WDHD1: variants seen among roughly 807,000 people sequenced by gnomAD.
WDHD1 encodes WD repeat and HMG-box DNA-binding protein 1.
WDHD1 carries 111 observed loss-of-function variants against 135.4 expected under a neutral mutation model. The ratio of observed to expected loss-of-function variants is 0.82; its 90% CI spans 0.70 to 0.96. WDHD1 has a LOEUF of 0.96. WDHD1 is among the 40% of genes least tolerant of loss of function. The pLI is 0.00. For synonymous variants in WDHD1, 434 were observed against 439.0 expected, an observed-to-expected ratio of 0.99 and a Z score of 0.14; for missense variants, 1,351 against 1,336.3, an observed-to-expected ratio of 1.01 and a Z score of -0.17.
chr14:54,957,130 G>T lies in WDHD1; in HGVS notation c.2820C>A (p.Gly940=). 1.2e-6 allele frequency: 2 copies of T among 1,614,118 alleles called. No homozygotes were observed. The highest frequency in any genetic ancestry group is 1.1e-5 in the South Asian group (1 of 91,084). ...GTGCAGTGGATTTCTTGGATGATTT[G>T]CCCATATTGTCTAAAATATTAGTTG... ...ARSTNILDNM[G]KSSKKSTALS... Residue 940 remains glycine, a synonymous_variant, in exon 23 of 26, where the codon GGC becomes GGA. Transcript: ENST00000360586.
chr14:54,958,182 A>C (rs1218572746), intron 21 of WDHD1, among the ~76,000 whole-genome samples: 2 of 150,664 alleles, frequency 1.3e-5, no homozygotes, highest in Non-Finnish European at 2.9e-5. Context: ...GCTGGAGGGC[A>C]ATGGTGTGAT....
intron 16 of WDHD1, among the ~76,000 whole-genome samples, chr14:54,973,725 C>T (rs537918863): frequency 6.6e-6 from 1 of 152,296 alleles, no homozygotes; most frequent in South Asian, 2.1e-4. Context: ...AGAAGAAACA[C>T]TGTGAGAAAT....
At chr14:55,011,655 G>A (rs900443687) in intron 3 of WDHD1, among the ~76,000 whole-genome samples, 12 of 149,858 alleles carry the variant, frequency 8.0e-5, no homozygotes, top group African/African-American at 2.7e-4. Context: ...GTGTTTGTGT[G>A]TATATATATA....
At chr14:54,996,795 T>G (rs1249285292) in intron 10 of WDHD1, among the ~76,000 whole-genome samples, 1 of 152,054 alleles carries the variant, frequency 6.6e-6, no homozygotes, top group Non-Finnish European at 1.5e-5. Flanking sequence ...TTATTTTCAT[T>G]TATTTATTTT....
chr14:54,965,096 C>A (rs185414184), intron 18 of WDHD1, among the ~76,000 whole-genome samples: 2 of 152,272 alleles, frequency 1.3e-5, no homozygotes, highest in East Asian at 3.9e-4. Flanking sequence ...TCTCTAAGAA[C>A]CTTTTTTCTC....
chr14:54,950,273 A>C (rs534700037), intron 24 of WDHD1, among the ~76,000 whole-genome samples: 1 of 152,182 alleles, frequency 6.6e-6, no homozygotes. Context: ...GACACACATA[A>C]GCTCAAAATA....
intron 16 of WDHD1, among the ~76,000 whole-genome samples, chr14:54,969,747 A>G (rs1370680624): frequency 1.3e-5 from 2 of 152,192 alleles, no homozygotes; most frequent in African/African-American, 4.8e-5. Flanking sequence ...AGACACATCA[A>G]AAAGAGAAAC....
rs35354246 is a variant in WDHD1 at position 54,958,128 on chromosome 14, AT to A, written c.2702-494del. Among the ~76,000 whole-genome samples, 595 of 139,822 alleles carry A rather than the reference AT, an allele frequency of 4.3e-3. 1 individual carries two copies. Among genetic ancestry groups the A allele is most frequent in the African/African-American group, 9.0e-3 (343 of 38,252 alleles). 91.7% of individuals were successfully genotyped at this position (139,822 alleles called of 152,430 possible). On this transcript the variant is annotated intron_variant, in intron 21 of 25. Coordinates refer to ENST00000360586, the MANE Select transcript of WDHD1 (RefSeq NM_007086.4). Reference sequence around the variant, plus strand: ...TTTCTCTCGCCTCCTCCATCCAGCCATTTTTTTTTTTTTTTGAGACAGAGTC... The same window carrying A: ...TTTCTCTCGCCTCCTCCATCCAGCCATTTTTTTTTTTTTTGAGACAGAGTC...
chr14:54,988,736 T>TAA lies in WDHD1; in HGVS notation c.1526+290_1526+291dup, dbSNP rs10715034. Among the ~76,000 whole-genome samples, 26 of 136,080 alleles carry TAA rather than the reference T, an allele frequency of 1.9e-4. No individual in the cohort carries two copies. In the East Asian group the frequency reaches 2.8e-3, roughly 15 times the overall value. 89.3% of individuals were successfully genotyped at this position (136,080 alleles called of 152,430 possible). ...TGAATGTATATTACTCTTATAATAG[T>TAA]AAAAAAAAAAAAAAGCACTTAACAA... On this transcript the variant is annotated intron_variant, in intron 13 of 25. Coordinates refer to ENST00000360586, the MANE Select transcript of WDHD1 (RefSeq NM_007086.4).
chr14:54,965,944 G>A (rs1218039504), intron 18 of WDHD1, among the ~76,000 whole-genome samples: 6 of 147,070 alleles, frequency 4.1e-5, no homozygotes, highest in Non-Finnish European at 7.4e-5. Context: ...AAACAAGAGC[G>A]AAACTCCGCC....
chr14:55,022,438 C>T (rs1223758421), intron 2 of WDHD1, among the ~76,000 whole-genome samples: 1 of 151,752 alleles, frequency 6.6e-6, no homozygotes, highest in Non-Finnish European at 1.5e-5. Context: ...TGGCATTTTT[C>T]CCCCCACAGA....
intron 7 of WDHD1, chr14:55,005,573 T>C (rs1048941740): frequency 2.3e-5 from 14 of 601,102 alleles, no homozygotes; most frequent in Admixed American, 3.8e-5. Flanking sequence ...TTTCCTTTTA[T>C]AGATGTACTG....
At chr14:54,978,924 G>C (rs2041572269) in intron 16 of WDHD1, among the ~76,000 whole-genome samples, 2 of 152,100 alleles carry the variant, frequency 1.3e-5, no homozygotes, top group African/African-American at 4.8e-5. Context: ...TTCCAGAACT[G>C]ATGAAATGTC....
chr14:54,999,213 CCT>C (rs1238060448), intron 10 of WDHD1, among the ~76,000 whole-genome samples: 2 of 152,186 alleles, frequency 1.3e-5, no homozygotes, highest in East Asian at 3.8e-4. Flanking sequence ...TTCATTTAAT[CCT>C]CTGTTTTCAG....
In WDHD1 at chr14:54,987,247, A is replaced by C; in HGVS notation, c.1667T>G (p.Leu556Trp). The C allele has an allele frequency of 6.2e-7, 1 of 1,614,140 alleles. No individual in the cohort carries two copies. The highest frequency in any genetic ancestry group is 2.2e-5 in the East Asian group (1 of 44,874). The change falls in exon 14 of 26, where the codon TTG becomes TGG. Residue 556 changes from leucine to tryptophan, a missense_variant. Physicochemically the swap from Leu to Trp is moderately conservative, Grantham distance 61 (BLOSUM62 -2). This residue lies in a region of WDHD1 where 1,330 missense variants were observed against 1,296.1 expected (regional missense o/e 1.03). Transcript: ENST00000360586. ...AAATSALLLR[L>W]FTIGGVQKEV... ...TTTTTGAACCCCTCCAATAGTAAAC[A>C]ATCGAAGAAGCAGGGCACTAGTAGC...
Position 55,013,554 on chromosome 14 carries a change from C to T in WDHD1, c.120G>A (p.Trp40Ter). 6.2e-7 allele frequency: 1 copy of T among 1,613,964 alleles called. No individual in the cohort carries two copies. Among genetic ancestry groups the T allele is most frequent in the Non-Finnish European group, 8.5e-7 (1 of 1,179,974 alleles). ...TCGSDGDVRI[W>*]EDLDDDDPKF... The stretch of plus-strand genomic sequence containing the variant: ...TAGGATCATCATCATCCAAGTCTTC[C>T]CAAATCCTCACATCACCATCACTTC... The change falls in exon 3 of 26, where the codon TGG becomes TGA. Residue 40 changes from tryptophan (W) to a stop codon, truncating the protein, a stop_gained. Transcript: ENST00000360586. LOFTEE classifies it high-confidence loss of function.
In WDHD1 at chr14:55,014,179, C is replaced by T. The variant is rs371519572; in HGVS notation, c.78-583G>A. Among the ~76,000 whole-genome samples, 106 of 152,286 alleles carry T rather than the reference C, an allele frequency of 7.0e-4. 1 individual carries two copies. Among genetic ancestry groups the T allele is most frequent in the East Asian group, 5.0e-3 (26 of 5,182 alleles). On this transcript the variant is annotated intron_variant, in intron 2 of 25. Coordinates refer to ENST00000360586, the MANE Select transcript of WDHD1 (RefSeq NM_007086.4). ...CATGATTATAGCTCTCTAAACCCTC[C>T]GCCTCCCAGGCTCAAGTGATCAAAC...
intron 16 of WDHD1, among the ~76,000 whole-genome samples, chr14:54,967,859 G>A (rs2041370934): frequency 6.6e-6 from 1 of 152,128 alleles, no homozygotes; most frequent in Non-Finnish European, 1.5e-5. Context: ...GGGCTAAAGT[G>A]TGCCTCCCAC....
Position 54,963,016 on chromosome 14 carries a change from A to G in WDHD1, c.2467T>C (p.Leu823=), listed in dbSNP as rs763656267. The G allele has an allele frequency of 8.7e-6, 14 of 1,613,754 alleles. No homozygotes were observed. The highest frequency in any genetic ancestry group is 3.3e-5 in the South Asian group (3 of 91,078). The stretch of plus-strand genomic sequence containing the variant: ...TCCTCTTCCACCTGGGTTGCTGTCA[A>G]TTCGGCTGCCTTCTCTACAGCCAGT... ...SELAVEKAAE[L]TATQVEEEEE... Residue 823 remains leucine (L), a synonymous_variant, in exon 19 of 26, where the codon TTG becomes CTG. Transcript: ENST00000360586.
Sources: allele counts gnomAD v4.1 joint callset (sites outside exome capture counted in the v4.1 genomes callset), GRCh38; gene constraint gnomAD v4.1.1; regional missense constraint gnomAD v4.1.1; transcripts MANE v1.5; gene names NCBI Gene and HGNC (gene_info 2026-07-23, HGNC 2026-07-21).